The following AHCYL2 variants were observed in gnomAD, a reference collection of about 807,000 sequenced individuals.
AHCYL2 encodes the protein S-adenosylhomocysteine hydrolase-like protein 2.
Under a neutral mutation model 81.4 loss-of-function variants are expected in AHCYL2, and 28 were observed. That is an observed-to-expected ratio of 0.34 (90% CI 0.25 to 0.47). The LOEUF is 0.47. Among genes scored for constraint, AHCYL2 ranks in the 20% least tolerant of loss-of-function variants. The pLI is 1.00. For missense variants in AHCYL2, 551 were observed against 785.1 expected (o/e 0.70, Z 3.56); for synonymous variants, 272 against 290.2 (o/e 0.94, Z 0.64).
At chr7:129,290,928 T>G (rs1796827898) in intron 1 of AHCYL2, among the ~76,000 whole-genome samples, 1 of 149,082 alleles carries the variant, frequency 6.7e-6, no homozygotes, top group Non-Finnish European at 1.5e-5. Flanking sequence ...AGACTCCATC[T>G]CAAAAAAAAA....
At chr7:129,265,049 A>G (rs921067382) in intron 1 of AHCYL2, among the ~76,000 whole-genome samples, 16 of 152,226 alleles carry the variant, frequency 1.1e-4, no homozygotes, top group African/African-American at 3.9e-4. Flanking sequence ...GGTCAATTGT[A>G]ATCCAGAATG....
intron 13 of AHCYL2, 56 bp downstream of exon 13, chr7:129,422,994 A>G: frequency 6.8e-7 from 1 of 1,465,592 alleles, no homozygotes; most frequent in South Asian, 1.2e-5. Flanking sequence ...TGCAATACCC[A>G]GGTCCCCTCC....
chr7:129,345,217 G>C (rs1793320635), intron 1 of AHCYL2, among the ~76,000 whole-genome samples: 1 of 152,162 alleles, frequency 6.6e-6, no homozygotes, highest in Admixed American at 6.5e-5. Flanking sequence ...CCTGGTGATT[G>C]GAAAGGGAGA....
In AHCYL2 at chr7:129,225,072, CGGT is replaced by C. The variant is rs1286045786; in HGVS notation, c.-3_-1del. On this transcript the variant is annotated 5_prime_UTR_variant, in exon 1 of 17. Coordinates refer to ENST00000325006, the MANE Select transcript of AHCYL2 (RefSeq NM_015328.4). ...TCTGAGCCGGTGGTTGCAGCGGAGG[CGGT>C]GATGTCGGTGCAGGTTGTGTCAGCC... 1 of 1,585,862 alleles carries C rather than the reference CGGT, an allele frequency of 6.3e-7. No individual in the cohort carries two copies. The highest frequency in any genetic ancestry group is 1.3e-5 in the African/African-American group (1 of 74,254).
chr7:129,257,316 G>C (rs1795463306), intron 1 of AHCYL2, among the ~76,000 whole-genome samples: 1 of 152,186 alleles, frequency 6.6e-6, no homozygotes, highest in Admixed American at 6.5e-5. Flanking sequence ...GGTTAGTGGA[G>C]CCTTGGCAGC....
chr7:129,329,467 C>T (rs1428514279), intron 1 of AHCYL2, among the ~76,000 whole-genome samples: 2 of 151,986 alleles, frequency 1.3e-5, no homozygotes, highest in Non-Finnish European at 2.9e-5. Context: ...CAGGCATGAG[C>T]CATGAGCCAC....
chr7:129,290,022 TC>T (rs1563182787), intron 1 of AHCYL2, among the ~76,000 whole-genome samples: 1 of 151,918 alleles, frequency 6.6e-6, no homozygotes, highest in Non-Finnish European at 1.5e-5. Context: ...CCTCAGGTGA[TC>T]CTCCCGCCTC....
intron 1 of AHCYL2, among the ~76,000 whole-genome samples, chr7:129,297,809 A>G (rs541810532): frequency 6.6e-6 from 1 of 152,240 alleles, no homozygotes; most frequent in South Asian, 2.1e-4. Context: ...AGATCCTTTG[A>G]ACCTGGGAGT....
Position 129,304,844 on chromosome 7 carries a change from T to G in AHCYL2, c.364-74794T>G, listed in dbSNP as rs79783223. 3.4e-3 allele frequency among the ~76,000 whole-genome samples: 517 copies of G among 152,264 alleles called. 1 individual carries two copies. Among genetic ancestry groups the G allele is most frequent in the African/African-American group, 0.012 (500 of 41,546 alleles). ...TGCTTTTTTATCCATTCAGCCACTC[T>G]ATGTCTTTTGATTGGGGAGTTTAGT... On this transcript the variant is annotated intron_variant, in intron 1 of 16. Transcript: ENST00000325006.
rs1797505582 is a variant in AHCYL2 at position 129,429,772 on chromosome 7, A to G, written c.*2727A>G. ...CTCTGCTCTCCTCCCTCCCTATCCTACTTGCCCATATGAGCACGGCTCCCC... is the reference window on the plus strand; with the variant it reads ...CTCTGCTCTCCTCCCTCCCTATCCTGCTTGCCCATATGAGCACGGCTCCCC... On this transcript the variant is annotated 3_prime_UTR_variant, in exon 17 of 17. Coordinates refer to ENST00000325006, the MANE Select transcript of AHCYL2 (RefSeq NM_015328.4). 1 of 152,370 alleles carries G rather than the reference A, an allele frequency of 6.6e-6. No individual in the cohort carries two copies. The allele number at this position is 152,370 out of a possible 1,614,324, so 9.4% of individuals were successfully genotyped here. A position where few individuals can be genotyped will look rare whatever the true frequency, so the allele number is the denominator to read the frequency against.
intron 1 of AHCYL2, among the ~76,000 whole-genome samples, chr7:129,305,034 A>AT (rs1797386624): frequency 6.8e-6 from 1 of 146,516 alleles, no homozygotes; most frequent in Admixed American, 6.8e-5. Flanking sequence ...CTCCCTTTTT[A>AT]TTTTTTGCAT....
At position 129,397,201 on chromosome 7, in the gene AHCYL2, C is replaced by T. The variant is rs554530010; in HGVS notation, c.721-21C>T. Reference sequence around the variant, plus strand: ...TTGTTTGGCCCAGGCTTGCTCATACCCTGCTTTGTCTTTAATACAGGTGCT... The same window carrying T: ...TTGTTTGGCCCAGGCTTGCTCATACTCTGCTTTGTCTTTAATACAGGTGCT... On this transcript the variant is annotated intron_variant, in intron 4 of 16. Coordinates refer to ENST00000325006, the MANE Select transcript of AHCYL2 (RefSeq NM_015328.4). 7.5e-6 allele frequency: 12 copies of T among 1,606,734 alleles called. No homozygotes were observed. The East Asian group carries it at 2.7e-4, about 36-fold the overall frequency.
intron 1 of AHCYL2, among the ~76,000 whole-genome samples, chr7:129,299,052 C>A (rs1409863354): frequency 2.6e-5 from 4 of 151,870 alleles, no homozygotes; most frequent in African/African-American, 9.7e-5. Context: ...TAATGGAAAC[C>A]AAAAATTTGA....
Position 129,403,435 on chromosome 7 carries a change from G to A in AHCYL2, c.975G>A (p.Met325Ile). The change falls in exon 7 of 17, where the codon ATG (methionine) becomes ATA (isoleucine). Residue 325 changes from methionine to isoleucine, a missense_variant. Met to Ile is a conservative substitution (Grantham distance 10). This residue lies in a region of AHCYL2 where 316 missense variants were observed against 543.1 expected (regional missense o/e 0.58). Coordinates refer to ENST00000325006, the MANE Select transcript of AHCYL2 (RefSeq NM_015328.4). ...THWIYKKYPN[M>I]FKKIKGIVEE... is the part of the protein sequence containing the mutation. ...GGATTTATAAAAAGTATCCCAACAT[G>A]TTTAAGAAAATCAAGGGCATAGTAG... 6.2e-7 allele frequency: 1 copy of A among 1,611,852 alleles called. No homozygotes were observed. The highest frequency in any genetic ancestry group is 8.5e-7 in the Non-Finnish European group (1 of 1,178,842).
Position 129,405,831 on chromosome 7 carries a change from C to T in AHCYL2, c.1143-5C>T. 1.2e-6 allele frequency: 2 copies of T among 1,602,424 alleles called. No homozygotes were observed. The highest frequency in any genetic ancestry group is 1.3e-5 in the African/African-American group (1 of 74,514). On this transcript the variant is annotated splice_polypyrimidine_tract_variant and splice_region_variant and intron_variant, in intron 8 of 16. Transcript: ENST00000325006. ...TTTCTGATTTAATGTTTTTTTTTCCCCTAGACTTAAAAGGACAACAGACAT... is the reference window on the plus strand; with the variant it reads ...TTTCTGATTTAATGTTTTTTTTTCCTCTAGACTTAAAAGGACAACAGACAT...
At chr7:129,282,055 GATTCCTAATTTA>G (rs1796464599) in intron 1 of AHCYL2, among the ~76,000 whole-genome samples, 1 of 151,986 alleles carries the variant, frequency 6.6e-6, no homozygotes, top group Non-Finnish European at 1.5e-5. Context: ...TTCCTTTGTT[GATTCCTAATTTA>G]ATTCCATTAT....
chr7:129,274,354 A>G (rs1796124039), intron 1 of AHCYL2, among the ~76,000 whole-genome samples: 1 of 152,190 alleles, frequency 6.6e-6, no homozygotes. Context: ...TCTGGACCTG[A>G]TTTAGATATC....
rs150235131 is a variant in AHCYL2, at chr7:129,429,006, A to G, written c.*1961A>G. The G allele has an allele frequency of 1.1e-4, 17 of 152,348 alleles. No homozygotes were observed. Among genetic ancestry groups the G allele is most frequent in the African/African-American group, 3.8e-4 (16 of 41,584 alleles). 9.4% of individuals were successfully genotyped at this position (152,348 alleles called of 1,614,324 possible). A position where few individuals can be genotyped will look rare whatever the true frequency, so the allele number is the denominator to read the frequency against. On this transcript the variant is annotated 3_prime_UTR_variant, in exon 17 of 17. Transcript: ENST00000325006. ...TTATCTTATATCCAGAGCAGATTCC[A>G]TTTGGCAGATAGATGGTCTCTAGCC...
intron 5 of AHCYL2, 60 bp downstream of exon 5, chr7:129,397,384 G>C (rs1352176072): frequency 1.4e-6 from 2 of 1,459,598 alleles, no homozygotes; most frequent in Non-Finnish European, 1.9e-6. Flanking sequence ...CTTACTTTAT[G>C]TTTCAGCATA....
Sources: gnomAD v4.1 joint callset for allele counts (sites outside exome capture counted in the v4.1 genomes callset) on GRCh38, gnomAD v4.1.1 for gene constraint, gnomAD v4.1.1 regional missense constraint, MANE v1.5 for transcripts, NCBI Gene and HGNC (gene_info 2026-07-23, HGNC 2026-07-21) for gene names.